Variants in CAPN5 observed in about 807,000 individuals in gnomAD.
CAPN5 encodes calpain 5.
A neutral mutation model predicts 73.0 loss-of-function variants in CAPN5; 54 were observed. The ratio of observed to expected loss-of-function variants is 0.74; its 90% CI spans 0.59 to 0.93. CAPN5 has a LOEUF of 0.93. CAPN5 is among the 40% of genes least tolerant of loss of function. CAPN5 has a pLI of 0.00. For missense variants in CAPN5, 785 were observed against 882.9 expected (o/e 0.89, Z 1.41); for synonymous variants, 335 against 356.9 (o/e 0.94, Z 0.69).
At chr11:77,077,422 A>T (rs978409332) in intron 1 of CAPN5, among the ~76,000 whole-genome samples, 2 of 152,074 alleles carry the variant, frequency 1.3e-5, no homozygotes, top group South Asian at 4.1e-4. Flanking sequence ...TTTTAATAAG[A>T]TATCACACTT....
chr11:77,107,525 G>A (rs1283833769), intron 3 of CAPN5, among the ~76,000 whole-genome samples: 4 of 152,162 alleles, frequency 2.6e-5, no homozygotes, highest in South Asian at 2.1e-4. Flanking sequence ...CCACTCTGTC[G>A]CACAGCTGGG....
At chr11:77,072,316 C>T (rs1016140130) in intron 1 of CAPN5, among the ~76,000 whole-genome samples, 1 of 152,236 alleles carries the variant, frequency 6.6e-6, no homozygotes, top group African/African-American at 2.4e-5. Context: ...TCCATGCAGC[C>T]GTCCCTGCCT....
intron 8 of CAPN5, among the ~76,000 whole-genome samples, 157 bp from the exon 9 acceptor site, chr11:77,118,873 A>G (rs1950494578): frequency 6.6e-6 from 1 of 152,228 alleles, no homozygotes; most frequent in Admixed American, 6.5e-5. Context: ...TAGCCATTGC[A>G]GGCATTGGTA....
chr11:77,103,000 G>T, intron 3 of CAPN5: 1 of 1,613,538 alleles, frequency 6.2e-7, no homozygotes, highest in Non-Finnish European at 8.5e-7. Context: ...TCTGTGTACC[G>T]CCTCAACTTC....
chr11:77,069,240 C>T (rs566055431), intron 1 of CAPN5, among the ~76,000 whole-genome samples: 6 of 152,238 alleles, frequency 3.9e-5, no homozygotes, highest in South Asian at 4.1e-4. Flanking sequence ...CACAGGGACT[C>T]GGGGGATGAT....
intron 3 of CAPN5, among the ~76,000 whole-genome samples, chr11:77,099,590 G>A (rs1340024401): frequency 7.2e-5 from 11 of 151,768 alleles, no homozygotes; most frequent in East Asian, 2.0e-4. Context: ...GTGGTGGCGC[G>A]TGCCTGCAAT....
At position 77,080,660 on chromosome 11, in the gene CAPN5, C is replaced by T. The variant is rs189863603; in HGVS notation, c.-35-4192C>T. On this transcript the variant is annotated intron_variant, in intron 1 of 12. Coordinates refer to ENST00000648180, the MANE Select transcript of CAPN5 (RefSeq NM_004055.5). ...CCAGGGAACAGCAGACTAGGCCACACAGCCTCCTGGAAGAGGAGTACCAAC... is the reference window on the plus strand; with the variant it reads ...CCAGGGAACAGCAGACTAGGCCACATAGCCTCCTGGAAGAGGAGTACCAAC... 2.5e-3 allele frequency among the ~76,000 whole-genome samples: 374 copies of T among 152,316 alleles called. 5 individuals carry two copies. The highest frequency in any genetic ancestry group is 8.5e-3 in the African/African-American group (352 of 41,568).
In CAPN5 at chr11:77,081,274, G is replaced by A. The variant is rs537599595; in HGVS notation, c.-35-3578G>A. ...GTCTTTCATACCTCTGAGCCTTTGC[G>A]TGAACTGTTCCCTTTGCCTGGAATG... On this transcript the variant is annotated intron_variant, in intron 1 of 12. Coordinates refer to ENST00000648180, the MANE Select transcript of CAPN5 (RefSeq NM_004055.5). 6.6e-5 allele frequency among the ~76,000 whole-genome samples: 10 copies of A among 152,320 alleles called. No individual in the cohort carries two copies. The South Asian group carries it at 1.7e-3, about 25-fold the overall frequency.
chr11:77,116,448 A>G (rs1950469475), intron 7 of CAPN5, 145 bp downstream of exon 7: 2 of 683,300 alleles, frequency 2.9e-6, no homozygotes, highest in East Asian at 2.7e-5. Flanking sequence ...AAGTCACACC[A>G]TCTCAGAGCC....
At chr11:77,112,920 C>A in intron 4 of CAPN5, 123 bp downstream of exon 4, 1 of 921,924 alleles carries the variant, frequency 1.1e-6, no homozygotes, top group Non-Finnish European at 1.7e-6. Flanking sequence ...GGTGCAGGCA[C>A]GCAGCAGGCT....
rs2135495504 is a variant in CAPN5, at chr11:77,125,412, G to T, written c.*1542G>T. The T allele has an allele frequency of 6.6e-6, 1 of 152,558 alleles. No homozygotes were observed. Among genetic ancestry groups the T allele is most frequent in the Non-Finnish European group, 1.5e-5 (1 of 68,036 alleles). The allele number at this position is 152,558 out of a possible 1,614,324, so 9.5% of individuals were successfully genotyped here. A position where few individuals can be genotyped will look rare whatever the true frequency, so the allele number is the denominator to read the frequency against. On this transcript the variant is annotated 3_prime_UTR_variant, in exon 13 of 13. Coordinates refer to ENST00000648180, the MANE Select transcript of CAPN5 (RefSeq NM_004055.5). ...AGGATAAGAGTGTTCTTTCTTGAAA[G>T]CCGGGACTTCCCCTCAAGAACCTGG...
Position 77,073,135 on chromosome 11 carries a change from G to A in CAPN5, c.-36+6041G>A, listed in dbSNP as rs782582442. On this transcript the variant is annotated intron_variant, in intron 1 of 12. Transcript: ENST00000648180. The stretch of plus-strand genomic sequence containing the variant: ...GACCTGGTGCTGGACTGGGAGCCCC[G>A]AGGTAGGGTGGCCACCGCACTGGGT... 9.1e-5 allele frequency: 117 copies of A among 1,288,666 alleles called. No homozygotes were observed. The South Asian group carries it at 1.2e-3, about 14-fold the overall frequency. 79.8% of individuals were successfully genotyped at this position (1,288,666 alleles called of 1,614,324 possible). A position where few individuals can be genotyped will look rare whatever the true frequency, so the allele number is the denominator to read the frequency against.
rs1462701014 is a variant in CAPN5, at chr11:77,122,613, C to A, written c.1641C>A (p.Asp547Glu). 6.2e-7 allele frequency: 1 copy of A among 1,607,990 alleles called. No homozygotes were observed. Among genetic ancestry groups the A allele is most frequent in the African/African-American group, 1.3e-5 (1 of 74,522 alleles). ...NSYVIIKCEG[D>E]KVRSAVQKGT... ...ATGTGATCATCAAGTGTGAGGGAGA[C>A]AAAGTCCGCTCGGCTGTGCAGAAGG... Residue 547 changes from aspartate to glutamate, a missense_variant, in exon 12 of 13, where the codon GAC (aspartate) becomes GAA (glutamate). Asp to Glu is a conservative substitution (Grantham distance 45). Transcript: ENST00000648180.
chr11:77,093,596 CACGTCTGTGTCT>C lies in CAPN5; in HGVS notation c.166-85_166-74del, dbSNP rs1950175554. The C allele has an allele frequency of 3.6e-5, 28 of 768,952 alleles. No individual in the cohort carries two copies. The Middle Eastern group carries it at 1.5e-3, about 41-fold the overall frequency. 47.6% of individuals were successfully genotyped at this position (768,952 alleles called of 1,614,324 possible). Reference sequence around the variant, plus strand: ...GATCACACAGCAAGTCTGTGTCTGTCACGTCTGTGTCTGTCATGTCTCCTGCCATGGGGGGCA... The same window carrying C: ...GATCACACAGCAAGTCTGTGTCTGTCGTCATGTCTCCTGCCATGGGGGGCA... On this transcript the variant is annotated intron_variant, in intron 2 of 12. Coordinates refer to ENST00000648180, the MANE Select transcript of CAPN5 (RefSeq NM_004055.5).
At chr11:77,079,845 G>T (rs191396100) in intron 1 of CAPN5, among the ~76,000 whole-genome samples, 1 of 151,678 alleles carries the variant, frequency 6.6e-6, no homozygotes, top group Non-Finnish European at 1.5e-5. Context: ...AGTCATTCTA[G>T]TGGGGGTATA....
At chr11:77,083,974 G>A (rs782669228) in intron 1 of CAPN5, among the ~76,000 whole-genome samples, 1 of 152,244 alleles carries the variant, frequency 6.6e-6, no homozygotes, top group Non-Finnish European at 1.5e-5. Context: ...CAGGCCCCAG[G>A]AAGAGTAGAT....
intron 2 of CAPN5, among the ~76,000 whole-genome samples, chr11:77,092,928 C>T (rs1203879293): frequency 6.6e-6 from 1 of 152,198 alleles, no homozygotes; most frequent in East Asian, 1.9e-4. Context: ...GGTTGCACTA[C>T]TGCATTCCAT....
intron 3 of CAPN5, chr11:77,102,978 C>T (rs375449835): frequency 3.1e-6 from 5 of 1,613,250 alleles, no homozygotes; most frequent in Non-Finnish European, 4.2e-6. Flanking sequence ...GAAGCTGCTG[C>T]AGCCAGCGGA....
At chr11:77,096,213 A>C (rs1252955975) in intron 3 of CAPN5, among the ~76,000 whole-genome samples, 2 of 152,104 alleles carry the variant, frequency 1.3e-5, no homozygotes, top group Non-Finnish European at 2.9e-5. Context: ...TCTGAGCCTC[A>C]GACACACTGA....
Sources: allele counts gnomAD v4.1 joint callset (sites outside exome capture counted in the v4.1 genomes callset), GRCh38; gene constraint gnomAD v4.1.1; transcripts MANE v1.5; gene names NCBI Gene and HGNC (gene_info 2026-07-23, HGNC 2026-07-21).